The following ERMP1 variants were observed in gnomAD, a reference collection of about 807,000 sequenced individuals.
ERMP1 encodes the protein Felix-ina.
ERMP1 carries 86 observed loss-of-function variants against 92.0 expected under a neutral mutation model. That is an observed-to-expected ratio of 0.93 (90% CI 0.79 to 1.12). ERMP1 has a LOEUF of 1.12. Among genes scored for constraint, ERMP1 ranks in the 50% most tolerant of loss-of-function variants. The pLI is 0.00. For synonymous variants in ERMP1, 530 were observed against 412.8 expected (o/e 1.28, Z -3.44); for missense variants, 1,342 against 1,116.3 (o/e 1.20, Z -2.88).
intron 13 of ERMP1, among the ~76,000 whole-genome samples, chr9:5,797,169 T>A (rs1828462427): frequency 6.6e-6 from 1 of 151,916 alleles, no homozygotes; most frequent in Admixed American, 6.6e-5. Flanking sequence ...CTCAAGTAGC[T>A]AAGACTACAG....
rs80280128 is a variant in ERMP1, at chr9:5,861,253, G to A, written n.3056-1642C>T. Among the ~76,000 whole-genome samples the A allele has an allele frequency of 1.3e-4, 19 of 144,150 alleles. No homozygotes were observed. The East Asian group carries it at 1.8e-3, about 14-fold the overall frequency. 94.6% of individuals were successfully genotyped at this position (144,150 alleles called of 152,430 possible). A position where few individuals can be genotyped will look rare whatever the true frequency, so the allele number is the denominator to read the frequency against. Reference sequence around the variant, plus strand: ...AAGAAAAAGTAAAGTACTGGAGAGGGAAAAAAAATCAGTTAATAACTCAAA... The same window carrying A: ...AAGAAAAAGTAAAGTACTGGAGAGGAAAAAAAAATCAGTTAATAACTCAAA... On this transcript the variant is annotated intron_variant and non_coding_transcript_variant, in intron 5 of 6. Coordinates refer to the ERMP1 transcript ENST00000690753.
At chr9:5,863,699 C>G (rs1830567919) in intron 5 of ERMP1, among the ~76,000 whole-genome samples, 1 of 152,042 alleles carries the variant, frequency 6.6e-6, no homozygotes, top group African/African-American at 2.4e-5. Flanking sequence ...TTGGAGCCTT[C>G]AAAAAATAAT....
At chr9:5,798,691 T>G in intron 12 of ERMP1, 115 bp downstream of exon 12, 1 of 625,640 alleles carries the variant, frequency 1.6e-6, no homozygotes, top group South Asian at 2.3e-5. Flanking sequence ...GAAAAAATAG[T>G]ACAAACACCA....
At position 5,833,032 on chromosome 9, in the gene ERMP1, A is replaced by C; in HGVS notation, c.-5T>G. The C allele has an allele frequency of 6.6e-7, 1 of 1,508,938 alleles. No homozygotes were observed. Among genetic ancestry groups the C allele is most frequent in the Non-Finnish European group, 8.8e-7 (1 of 1,138,956 alleles). The allele number at this position is 1,508,938 out of a possible 1,614,324, so 93.5% of individuals were successfully genotyped here. ...CGACTCAGAACCCCACTCCATGGCC[A>C]CGAGCCTCAGCTGCCAGCCCAACCG... On this transcript the variant is annotated 5_prime_UTR_variant, in exon 1 of 15. Transcript: ENST00000339450.
chr9:5,861,175 GT>G (rs1830479685), intron 5 of ERMP1, among the ~76,000 whole-genome samples: 3 of 119,568 alleles, frequency 2.5e-5, no homozygotes, highest in Non-Finnish European at 5.5e-5. Flanking sequence ...TAGGGGGTGT[GT>G]GTGTGTGTGT....
chr9:5,824,485 C>T (rs1357720761), intron 3 of ERMP1, among the ~76,000 whole-genome samples: 2 of 152,228 alleles, frequency 1.3e-5, no homozygotes, highest in Non-Finnish European at 2.9e-5. Flanking sequence ...TCACCGCAAT[C>T]TCCACGTTCC....
At chr9:5,813,661 G>T (rs999567649) in intron 4 of ERMP1, among the ~76,000 whole-genome samples, 1 of 151,906 alleles carries the variant, frequency 6.6e-6, no homozygotes, top group Non-Finnish European at 1.5e-5. Context: ...CAAATTTTCA[G>T]ATTAGGGATG....
intron 13 of ERMP1, among the ~76,000 whole-genome samples, chr9:5,795,806 T>A (rs747531641): frequency 6.6e-5 from 10 of 151,810 alleles, no homozygotes; most frequent in Non-Finnish European, 7.4e-5. Context: ...AAAGAAAATC[T>A]TCTTAAAGAA....
chr9:5,798,599 G>T (rs555231910), intron 12 of ERMP1, among the ~76,000 whole-genome samples: 1 of 146,848 alleles, frequency 6.8e-6, no homozygotes, highest in African/African-American at 2.5e-5. Flanking sequence ...CTAGAGAAAA[G>T]ATTTTTAAAA....
chr9:5,804,079 C>T (rs781290324), intron 10 of ERMP1, among the ~76,000 whole-genome samples: 58 of 152,088 alleles, frequency 3.8e-4, no homozygotes, highest in Admixed American at 1.2e-3. Flanking sequence ...GTAACGAATG[C>T]CCTTTACTAT....
intron 2 of ERMP1, among the ~76,000 whole-genome samples, chr9:5,829,110 G>A (rs1386069877): frequency 1.3e-5 from 2 of 151,828 alleles, no homozygotes; most frequent in Non-Finnish European, 2.9e-5. Context: ...AGCCGAGTGT[G>A]GTGGCACAGT....
intron 8 of ERMP1, 85 bp from the exon 9 acceptor site, chr9:5,805,870 T>C: frequency 9.6e-7 from 1 of 1,041,658 alleles, no homozygotes; most frequent in South Asian, 1.8e-5. Flanking sequence ...TTTCCATCAC[T>C]CAGGAAAGCT....
chr9:5,845,085 C>T (rs946901621), intron 6 of ERMP1, among the ~76,000 whole-genome samples: 3 of 151,340 alleles, frequency 2.0e-5, no homozygotes, highest in Admixed American at 2.0e-4. Context: ...TTGCATTTGT[C>T]GAGCCTAAAA....
chr9:5,803,006 C>T (rs1003606948), intron 10 of ERMP1, among the ~76,000 whole-genome samples: 2 of 151,856 alleles, frequency 1.3e-5, no homozygotes, highest in Admixed American at 6.6e-5. Context: ...GCACTCCAGC[C>T]TGAGTGACAG....
chr9:5,860,059 A>C (rs1830441226), intron 5 of ERMP1, among the ~76,000 whole-genome samples: 1 of 151,816 alleles, frequency 6.6e-6, no homozygotes, highest in Non-Finnish European at 1.5e-5. Flanking sequence ...CAGCACTTTG[A>C]GAGGCTAAGA....
chr9:5,807,264 G>C (rs866850230), intron 8 of ERMP1, among the ~76,000 whole-genome samples: 1 of 152,048 alleles, frequency 6.6e-6, no homozygotes, highest in South Asian at 2.1e-4. Context: ...CATTTTAATA[G>C]TGGCCCCATT....
At chr9:5,855,063 T>A (rs199977492) in intron 6 of ERMP1, among the ~76,000 whole-genome samples, 7 of 152,268 alleles carry the variant, frequency 4.6e-5, no homozygotes, top group East Asian at 3.9e-4. Flanking sequence ...TTCAAAGCAA[T>A]CTTCTTGTTC....
In ERMP1 at chr9:5,802,074, G is replaced by A. The variant is rs145457281; in HGVS notation, c.1915-746C>T. On this transcript the variant is annotated intron_variant, in intron 10 of 14. Coordinates refer to ENST00000339450, the MANE Select transcript of ERMP1 (RefSeq NM_024896.3). ...AGAAGCCATTTGGGGAAACTTTTAT[G>A]TGAAATCTGAAATTGTTCTAAGAAG... 1.1e-3 allele frequency among the ~76,000 whole-genome samples: 169 copies of A among 152,320 alleles called. 1 individual carries two copies. In the Middle Eastern group the frequency reaches 0.027, roughly 25 times the overall value.
At chr9:5,828,452 C>T (rs755739129) in intron 2 of ERMP1, among the ~76,000 whole-genome samples, 2 of 152,214 alleles carry the variant, frequency 1.3e-5, no homozygotes, top group Non-Finnish European at 2.9e-5. Context: ...CAACTTTAAA[C>T]TTTTGGTGGC....
Sources: gnomAD v4.1 joint callset for allele counts (sites outside exome capture counted in the v4.1 genomes callset) on GRCh38, gnomAD v4.1.1 for gene constraint, MANE v1.5 for transcripts, NCBI Gene and HGNC (gene_info 2026-07-23, HGNC 2026-07-21) for gene names.